Variants in SOD3 observed in about 807,000 individuals in gnomAD.
The protein encoded by SOD3 is extracellular superoxide dismutase [Cu-Zn].
SOD3 carries 3 observed loss-of-function variants against 2.6 expected under a neutral mutation model. The ratio of observed to expected loss-of-function variants is 1.13; its 90% CI spans 0.52 to 2.93. The LOEUF is 2.93. Ranked by LOEUF, SOD3 falls within the 30% of genes most tolerant of loss-of-function variation. The pLI, the probability that SOD3 is intolerant of heterozygous loss-of-function variation, is 0.04. For synonymous variants in SOD3, 188 were observed against 177.5 expected, an observed-to-expected ratio of 1.06 and a Z score of -0.47; for missense variants, 379 against 370.4, an observed-to-expected ratio of 1.02 and a Z score of -0.19.
intron 1 of SOD3, among the ~76,000 whole-genome samples, chr4:24,796,804 G>T (rs1488391566): frequency 3.3e-5 from 5 of 152,018 alleles, no homozygotes; most frequent in Non-Finnish European, 7.4e-5. Context: ...TATTTCCCAA[G>T]GATTCTTGAA....
At position 24,799,866 on chromosome 4, in the gene SOD3, G is replaced by T. The variant is rs760856319; in HGVS notation, c.345G>T (p.Val115=). ...ACAGCTCCAGCCGCGCCATCCACGT[G>T]CACCAGTTCGGGGACCTGAGCCAGG... is the stretch of plus-strand genomic sequence containing the variant. The part of the protein sequence containing the change: ...EPNSSSRAIH[V]HQFGDLSQGC... The change falls in exon 2 of 2, where the codon GTG becomes GTT. Residue 115 remains valine (V), a synonymous_variant. Coordinates refer to ENST00000382120, the MANE Select transcript of SOD3 (RefSeq NM_003102.4). The T allele has an allele frequency of 1.2e-6, 2 of 1,602,856 alleles. No homozygotes were observed. The highest frequency in any genetic ancestry group is 1.1e-5 in the South Asian group (1 of 90,898).
intron 1 of SOD3, 101 bp from the exon 2 acceptor site, chr4:24,799,405 G>A: frequency 7.3e-7 from 1 of 1,377,518 alleles, no homozygotes; most frequent in Non-Finnish European, 9.7e-7. Context: ...AAGCCCACTG[G>A]GGACTGGGGG....
Sources: gnomAD v4.1 joint callset for allele counts (sites outside exome capture counted in the v4.1 genomes callset) on GRCh38, gnomAD v4.1.1 for gene constraint, MANE v1.5 for transcripts, NCBI Gene and HGNC (gene_info 2026-07-23, HGNC 2026-07-21) for gene names.